Variants in CCSER1 observed in about 807,000 individuals in gnomAD.
CCSER1 encodes the protein coiled-coil serine rich protein 1.
Under a neutral mutation model 82.0 loss-of-function variants are expected in CCSER1, and 41 were observed. The ratio of observed to expected loss-of-function variants is 0.50; its 90% confidence interval spans 0.39 to 0.65. CCSER1 has a LOEUF of 0.65. Ranked by LOEUF, CCSER1 falls within the 30% of genes least tolerant of loss-of-function variation. CCSER1 has a pLI of 0.00. For missense variants in CCSER1, 1,119 were observed against 1,064.2 expected (o/e 1.05, Z -0.72); for synonymous variants, 414 against 383.9 (o/e 1.08, Z -0.92).
intron 5 of CCSER1, among the ~76,000 whole-genome samples, chr4:90,541,390 A>G (rs918728853): frequency 1.3e-5 from 2 of 152,092 alleles, no homozygotes; most frequent in East Asian, 1.9e-4. Context: ...CTGCCTTGCT[A>G]CAAGATACTG....
intron 5 of CCSER1, among the ~76,000 whole-genome samples, chr4:90,618,716 T>C (rs1274930974): frequency 6.6e-6 from 1 of 151,930 alleles, no homozygotes; most frequent in Non-Finnish European, 1.5e-5. Flanking sequence ...GCATTTAAAA[T>C]AAATGTATTT....
intron 1 of CCSER1, among the ~76,000 whole-genome samples, chr4:90,158,168 C>T (rs1234406375): frequency 2.8e-5 from 4 of 141,176 alleles, no homozygotes; most frequent in Middle Eastern, 3.8e-3. Flanking sequence ...GGGTACCAGC[C>T]GTGGTGGCTG....
At chr4:90,224,459 C>G (rs1416405643) in intron 1 of CCSER1, among the ~76,000 whole-genome samples, 1 of 152,140 alleles carries the variant, frequency 6.6e-6, no homozygotes, top group Non-Finnish European at 1.5e-5. Flanking sequence ...CTAGAAGTGT[C>G]TTTTGTGGCA....
chr4:91,267,884 T>C (rs1280892336), intron 10 of CCSER1, among the ~76,000 whole-genome samples: 1 of 152,226 alleles, frequency 6.6e-6, no homozygotes, highest in Admixed American at 6.5e-5. Flanking sequence ...GTGTTTTTCT[T>C]ATGGGTGATA....
chr4:90,559,530 G>A (rs1778485706), intron 5 of CCSER1, among the ~76,000 whole-genome samples: 1 of 152,046 alleles, frequency 6.6e-6, no homozygotes, highest in South Asian at 2.1e-4. Context: ...ACTCTGAAAA[G>A]GGCTGAGAGG....
intron 6 of CCSER1, among the ~76,000 whole-genome samples, chr4:90,706,017 C>A (rs775166254): frequency 6.6e-6 from 1 of 152,098 alleles, no homozygotes; most frequent in Non-Finnish European, 1.5e-5. Context: ...GTGAGATGAA[C>A]CTGGTACCTC....
At chr4:90,739,202 G>A (rs1746137508) in intron 7 of CCSER1, among the ~76,000 whole-genome samples, 1 of 152,170 alleles carries the variant, frequency 6.6e-6, no homozygotes, top group Non-Finnish European at 1.5e-5. Flanking sequence ...GCCAGGACTG[G>A]GTCCTTCCCT....
chr4:90,309,659 A>T, intron 2 of CCSER1, 51 bp downstream of exon 2: 1 of 1,363,292 alleles, frequency 7.3e-7, no homozygotes, highest in African/African-American at 1.5e-5. Context: ...TTTTCATTAT[A>T]CTTTATTCAG....
chr4:90,419,833 A>T (rs1421981145), intron 4 of CCSER1, among the ~76,000 whole-genome samples: 4 of 151,956 alleles, frequency 2.6e-5, no homozygotes, highest in Non-Finnish European at 5.9e-5. Flanking sequence ...ATTGAATGAA[A>T]ATAAACCCTC....
intron 7 of CCSER1, among the ~76,000 whole-genome samples, chr4:90,740,105 T>A (rs1194567140): frequency 6.6e-6 from 1 of 152,184 alleles, no homozygotes; most frequent in East Asian, 1.9e-4. Flanking sequence ...GTTTGGAAAT[T>A]TCCATTAAAT....
At chr4:90,191,909 A>ACG (rs925287798) in intron 1 of CCSER1, among the ~76,000 whole-genome samples, 35 of 152,208 alleles carry the variant, frequency 2.3e-4, no homozygotes, top group African/African-American at 8.2e-4. Context: ...TATACTAGAG[A>ACG]CATTGCATTG....
chr4:90,308,250 A>C lies in CCSER1; in HGVS notation c.-35A>C. ...TTGTTTTAACCTTTCTCAGGCTGCA[A>C]AGTTGGCTTTCACAGTGCAAGCCTT... On this transcript the variant is annotated 5_prime_UTR_variant, in exon 2 of 11. Transcript: ENST00000509176. 2 of 1,489,560 alleles carry C rather than the reference A, an allele frequency of 1.3e-6. No individual in the cohort carries two copies. Among genetic ancestry groups the C allele is most frequent in the South Asian group, 1.4e-5 (1 of 71,750 alleles). 92.3% of individuals were successfully genotyped at this position (1,489,560 alleles called of 1,614,324 possible). A position where few individuals can be genotyped will look rare whatever the true frequency, so the allele number is the denominator to read the frequency against.
At chr4:90,594,882 G>A (rs1469841636) in intron 5 of CCSER1, among the ~76,000 whole-genome samples, 1 of 151,950 alleles carries the variant, frequency 6.6e-6, no homozygotes, top group East Asian at 1.9e-4. Context: ...TTAGATGCTT[G>A]GAAAGCAACA....
intron 10 of CCSER1, among the ~76,000 whole-genome samples, chr4:91,392,553 T>C (rs1423279554): frequency 6.6e-6 from 1 of 152,132 alleles, no homozygotes; most frequent in Admixed American, 6.6e-5. Flanking sequence ...GCAGTTCATA[T>C]ATCTGTGTGT....
At chr4:90,519,658 T>C (rs1049195159) in intron 5 of CCSER1, among the ~76,000 whole-genome samples, 6 of 152,038 alleles carry the variant, frequency 3.9e-5, no homozygotes, top group Non-Finnish European at 8.8e-5. Flanking sequence ...ACTCCACTAA[T>C]AGTAATTATG....
intron 10 of CCSER1, among the ~76,000 whole-genome samples, chr4:91,171,872 G>C (rs530339141): frequency 9.2e-5 from 14 of 152,066 alleles, no homozygotes; most frequent in African/African-American, 2.4e-4. Flanking sequence ...TTTCATGCAT[G>C]CTAATATTGT....
intron 10 of CCSER1, among the ~76,000 whole-genome samples, chr4:91,582,130 T>C (rs1299538036): frequency 6.6e-6 from 1 of 151,642 alleles, no homozygotes; most frequent in African/African-American, 2.4e-5. Context: ...TTTGAGTAGA[T>C]GTATTTGTTT....
intron 10 of CCSER1, among the ~76,000 whole-genome samples, chr4:91,380,074 T>C (rs1303293946): frequency 2.0e-5 from 3 of 152,184 alleles, no homozygotes; most frequent in Non-Finnish European, 4.4e-5. Flanking sequence ...AGTTTCTTAA[T>C]CCTGAGTTCT....
intron 9 of CCSER1, among the ~76,000 whole-genome samples, chr4:90,940,880 C>G (rs2150326645): frequency 6.6e-6 from 1 of 152,194 alleles, no homozygotes; most frequent in South Asian, 2.1e-4. Flanking sequence ...ATGCCCCAGA[C>G]CAAAAGTCAG....
Sources: allele counts gnomAD v4.1 joint callset (sites outside exome capture counted in the v4.1 genomes callset), GRCh38; gene constraint gnomAD v4.1.1; transcripts MANE v1.5; gene names NCBI Gene and HGNC (gene_info 2026-07-23, HGNC 2026-07-21).